The following DCDC2 variants were observed in gnomAD, a reference collection of about 807,000 sequenced individuals.
The protein encoded by DCDC2 is doublecortin domain-containing protein 2.
Under a neutral mutation model 50.2 loss-of-function variants are expected in DCDC2, and 40 were observed. That is an observed-to-expected ratio of 0.80 (90% CI 0.62 to 1.04). The LOEUF (loss-of-function observed/expected upper bound fraction) is 1.04. DCDC2 is among the 50% of genes least tolerant of loss of function. DCDC2 has a pLI of 0.00. For synonymous variants in DCDC2, 234 were observed against 210.6 expected (o/e 1.11, Z -0.96); for missense variants, 570 against 581.9 (o/e 0.98, Z 0.21).
chr6:24,233,060 G>A (rs9460980), intron 7 of DCDC2, among the ~76,000 whole-genome samples: 78,397 of 152,032 alleles, frequency 0.52, 22,022 homozygotes, highest in Non-Finnish European at 0.61. Context: ...GTTTTCAAGG[G>A]GACACAAACT....
intron 8 of DCDC2, among the ~76,000 whole-genome samples, chr6:24,198,054 G>T (rs184958246): frequency 2.6e-5 from 4 of 152,232 alleles, no homozygotes; most frequent in Admixed American, 6.5e-5. Flanking sequence ...GAAGTACAGT[G>T]TTCTACTGGC....
At chr6:24,215,334 G>C (rs1408214898) in intron 7 of DCDC2, among the ~76,000 whole-genome samples, 1 of 152,164 alleles carries the variant, frequency 6.6e-6, no homozygotes, top group Non-Finnish European at 1.5e-5. Context: ...TGGGTATAAG[G>C]CTGTCTGATG....
intron 6 of DCDC2, among the ~76,000 whole-genome samples, chr6:24,283,772 T>C (rs1347216275): frequency 6.6e-6 from 1 of 152,184 alleles, no homozygotes; most frequent in Non-Finnish European, 1.5e-5. Context: ...GCTTGTGACT[T>C]TGGATTTACT....
At chr6:24,253,831 CTT>C (rs1168749706) in intron 7 of DCDC2, among the ~76,000 whole-genome samples, 1 of 152,160 alleles carries the variant, frequency 6.6e-6, no homozygotes, top group Non-Finnish European at 1.5e-5. Context: ...TTACTGTAGA[CTT>C]TATAAATGCT....
intron 7 of DCDC2, among the ~76,000 whole-genome samples, chr6:24,247,414 T>C (rs958501653): frequency 3.3e-5 from 5 of 152,146 alleles, no homozygotes; most frequent in African/African-American, 9.7e-5. Flanking sequence ...ATTTGGAACT[T>C]AGTGCAACTG....
intron 9 of DCDC2, among the ~76,000 whole-genome samples, chr6:24,177,943 C>A (rs898865091): frequency 6.6e-6 from 1 of 152,194 alleles, no homozygotes; most frequent in Admixed American, 6.5e-5. Context: ...CTAGGTCTCA[C>A]TGGTCTTGAT....
chr6:24,329,281 C>T (rs1339418791), intron 2 of DCDC2, among the ~76,000 whole-genome samples: 2 of 152,148 alleles, frequency 1.3e-5, no homozygotes, highest in Admixed American at 6.5e-5. Context: ...AATATTAACC[C>T]TCATTCCCTT....
In DCDC2 at chr6:24,253,728, T is replaced by C. The variant is rs552490482; in HGVS notation, c.922+24321A>G. On this transcript the variant is annotated intron_variant, in intron 7 of 9. Transcript: ENST00000378454. ...AAAAGATTTAAAATGGTTATCTATA[T>C]AGAGCATTTACCATGAATGGAGCTT... Among the ~76,000 whole-genome samples the C allele has an allele frequency of 2.0e-5, 3 of 152,300 alleles. No homozygotes were observed. The East Asian group carries it at 5.8e-4, about 29-fold the overall frequency.
chr6:24,353,142 C>G, intron 2 of DCDC2: 1 of 353,470 alleles, frequency 2.8e-6, no homozygotes, highest in Non-Finnish European at 5.6e-6. Context: ...GTGACATCTA[C>G]TCATCTCCTT....
At chr6:24,350,639 T>A (rs913338209) in intron 2 of DCDC2, among the ~76,000 whole-genome samples, 5 of 152,140 alleles carry the variant, frequency 3.3e-5, no homozygotes, top group Non-Finnish European at 7.4e-5. Flanking sequence ...ATTTTTGAAT[T>A]TTTTTGTGCT....
chr6:24,376,265 T>G, the DCDC2 span, among the ~76,000 whole-genome samples: 1 of 152,140 alleles, frequency 6.6e-6, no homozygotes, highest in South Asian at 2.1e-4. Context: ...CACAAACAGC[T>G]CTTCTTTTGT....
intron 7 of DCDC2, among the ~76,000 whole-genome samples, chr6:24,245,175 C>T (rs904936660): frequency 6.6e-6 from 1 of 152,182 alleles, no homozygotes; most frequent in African/African-American, 2.4e-5. Flanking sequence ...GCCTTGGCGA[C>T]AGAGGGAAAC....
intron 4 of DCDC2, among the ~76,000 whole-genome samples, chr6:24,292,200 A>T (rs1322770463): frequency 6.6e-6 from 1 of 152,218 alleles, no homozygotes; most frequent in Non-Finnish European, 1.5e-5. Flanking sequence ...GAAAATAAGT[A>T]TTAGAAAACT....
chr6:24,372,311 C>T, the DCDC2 span, among the ~76,000 whole-genome samples: 3 of 151,602 alleles, frequency 2.0e-5, no homozygotes, highest in Admixed American at 6.6e-5. Flanking sequence ...CCCAGCTACT[C>T]GGGAGGCTGA....
Position 24,261,204 on chromosome 6 carries a change from C to CTTTT in DCDC2, c.922+16841_922+16844dup, listed in dbSNP as rs10694761. Among the ~76,000 whole-genome samples, 5 of 135,748 alleles carry CTTTT rather than the reference C, an allele frequency of 3.7e-5. 1 individual carries two copies. Among genetic ancestry groups the CTTTT allele is most frequent in the East Asian group, 4.3e-4 (2 of 4,636 alleles). 89.1% of individuals were successfully genotyped at this position (135,748 alleles called of 152,430 possible). On this transcript the variant is annotated intron_variant, in intron 7 of 9. Transcript: ENST00000378454. ...AGTACATTTTAAATCCATTTTCTTG[C>CTTTT]TTTTTTTTTTTTTTTGGTGTTCAAC...
chr6:24,353,823 C>T (rs548579291), intron 1 of DCDC2, among the ~76,000 whole-genome samples, 200 bp from the exon 2 acceptor site: 11 of 152,150 alleles, frequency 7.2e-5, no homozygotes, highest in Admixed American at 1.3e-4. Flanking sequence ...CATATGTCTA[C>T]CCTAAACTTC....
intron 8 of DCDC2, 133 bp downstream of exon 8, chr6:24,204,869 G>A: frequency 1.3e-6 from 1 of 793,540 alleles, no homozygotes; most frequent in Non-Finnish European, 2.0e-6. Flanking sequence ...TGTTTTTAAG[G>A]TTGATCAGCC....
chr6:24,265,480 G>A (rs1321623482), intron 7 of DCDC2, among the ~76,000 whole-genome samples: 1 of 151,954 alleles, frequency 6.6e-6, no homozygotes, highest in Non-Finnish European at 1.5e-5. Flanking sequence ...CTCACCACAT[G>A]GATCATTCTC....
chr6:24,201,103 G>A (rs1445608551), intron 8 of DCDC2, among the ~76,000 whole-genome samples: 1 of 152,056 alleles, frequency 6.6e-6, no homozygotes, highest in Non-Finnish European at 1.5e-5. Context: ...CAACGAGACA[G>A]AACATTAACA....
Sources: gnomAD v4.1 joint callset for allele counts (sites outside exome capture counted in the v4.1 genomes callset) on GRCh38, gnomAD v4.1.1 for gene constraint, MANE v1.5 for transcripts, NCBI Gene and HGNC (gene_info 2026-07-23, HGNC 2026-07-21) for gene names.